The following SCMH1 variants were observed in gnomAD, a reference collection of about 807,000 sequenced individuals.
The protein encoded by SCMH1 is Scm polycomb group protein homolog 1.
SCMH1 carries 37 observed loss-of-function variants against 70.8 expected under a neutral mutation model. The ratio of observed to expected loss-of-function variants is 0.52; its 90% confidence interval spans 0.40 to 0.69. The LOEUF (loss-of-function observed/expected upper bound fraction) is 0.69. SCMH1 is among the 30% of genes least tolerant of loss of function. The pLI is 0.00. For synonymous variants in SCMH1, 292 were observed against 307.4 expected, an observed-to-expected ratio of 0.95 and a Z score of 0.52; for missense variants, 607 against 827.3, an observed-to-expected ratio of 0.73 and a Z score of 3.27.
chr1:41,184,934 C>T (rs1302190334), intron 2 of SCMH1, among the ~76,000 whole-genome samples: 2 of 152,146 alleles, frequency 1.3e-5, no homozygotes, highest in Non-Finnish European at 2.9e-5. Flanking sequence ...TGTTTGATCA[C>T]ATGTATATCT....
At chr1:41,131,916 T>C (rs1327195625) in intron 6 of SCMH1, among the ~76,000 whole-genome samples, 1 of 152,232 alleles carries the variant, frequency 6.6e-6, no homozygotes, top group Non-Finnish European at 1.5e-5. Context: ...CCATGGTGTA[T>C]ATGTGCCACA....
chr1:41,096,602 A>G (rs553892624), intron 8 of SCMH1, among the ~76,000 whole-genome samples: 1 of 152,192 alleles, frequency 6.6e-6, no homozygotes, highest in East Asian at 1.9e-4. Flanking sequence ...TAGATTGGAG[A>G]GGAAAAGAAA....
intron 9 of SCMH1, among the ~76,000 whole-genome samples, chr1:41,070,983 A>G (rs1272795135): frequency 6.6e-6 from 1 of 152,170 alleles, no homozygotes; most frequent in Non-Finnish European, 1.5e-5. Flanking sequence ...TAGATTCAAT[A>G]TTATCATATG....
At position 41,083,422 on chromosome 1, in the gene SCMH1, A is replaced by T. The variant is rs991809711; in HGVS notation, c.746-7971T>A. ...ACCTAGGAATCCAACTTACAAGGGA[A>T]GTGAAGGACCTCTTCAAGGAGAACT... On this transcript the variant is annotated intron_variant, in intron 8 of 14. Coordinates refer to ENST00000337495, the Ensembl canonical transcript of SCMH1. 3.3e-5 allele frequency among the ~76,000 whole-genome samples: 5 copies of T among 152,086 alleles called. No individual in the cohort carries two copies. The East Asian group carries it at 5.8e-4, about 18-fold the overall frequency.
intron 1 of SCMH1, among the ~76,000 whole-genome samples, chr1:41,229,211 AAAAG>A (rs1270192403): frequency 6.6e-6 from 1 of 152,166 alleles, no homozygotes; most frequent in Non-Finnish European, 1.5e-5. Context: ...CCAAAAAAAA[AAAAG>A]ATTCATTAAT....
intron 1 of SCMH1, among the ~76,000 whole-genome samples, chr1:41,197,355 A>T (rs561243046): frequency 6.6e-4 from 100 of 152,286 alleles, no homozygotes; most frequent in South Asian, 1.2e-3. Context: ...TGGAAAACTC[A>T]GCCATAAAAA....
At chr1:41,053,670 G>A (rs978178497) in intron 10 of SCMH1, among the ~76,000 whole-genome samples, 1 of 152,214 alleles carries the variant, frequency 6.6e-6, no homozygotes, top group Non-Finnish European at 1.5e-5. Context: ...AAGATTATTG[G>A]GACAGATTCT....
At chr1:41,190,803 T>C (rs1379305028) in intron 1 of SCMH1, among the ~76,000 whole-genome samples, 1 of 152,194 alleles carries the variant, frequency 6.6e-6, no homozygotes, top group East Asian at 1.9e-4. Flanking sequence ...TTTTCTCTTC[T>C]GCGTCTCCAT....
intron 5 of SCMH1, among the ~76,000 whole-genome samples, chr1:41,150,713 G>T (rs966178736): frequency 2.2e-4 from 33 of 152,002 alleles, no homozygotes; most frequent in Admixed American, 2.0e-3. Flanking sequence ...GAGGCGGGCA[G>T]ATCATGAGGT....
chr1:41,144,210 T>C lies in SCMH1; in HGVS notation c.178-1098A>G, dbSNP rs182344802. Among the ~76,000 whole-genome samples, 1,300 of 152,222 alleles carry C rather than the reference T, an allele frequency of 8.5e-3. 8 individuals are homozygous for C. Among genetic ancestry groups the C allele is most frequent in the Non-Finnish European group, 0.012 (835 of 67,988 alleles). On this transcript the variant is annotated intron_variant, in intron 5 of 14. Coordinates refer to ENST00000337495, the Ensembl canonical transcript of SCMH1. ...CATCCCTATCTAATTTTATAACATT[T>C]CCATAATCCCCTCAAAATGAACCCC... is the stretch of plus-strand genomic sequence containing the variant.
At chr1:41,177,230 C>T (rs1647226569) in intron 2 of SCMH1, among the ~76,000 whole-genome samples, 1 of 152,042 alleles carries the variant, frequency 6.6e-6, no homozygotes, top group Non-Finnish European at 1.5e-5. Flanking sequence ...CACACCAAAA[C>T]CCCATCTGTA....
At chr1:41,070,990 T>C (rs951021537) in intron 9 of SCMH1, among the ~76,000 whole-genome samples, 2 of 152,130 alleles carry the variant, frequency 1.3e-5, no homozygotes, top group Non-Finnish European at 2.9e-5. Context: ...AATATTATCA[T>C]ATGAAGTTTC....
chr1:41,057,277 G>T (rs139168471), intron 10 of SCMH1, among the ~76,000 whole-genome samples: 20,760 of 151,988 alleles, frequency 0.14, 1,749 homozygotes, highest in Middle Eastern at 0.27. Flanking sequence ...TTGTTTGTTT[G>T]TTTTTTGAGA....
intron 8 of SCMH1, among the ~76,000 whole-genome samples, chr1:41,105,080 G>A (rs1361910527): frequency 1.3e-5 from 2 of 150,860 alleles, no homozygotes; most frequent in East Asian, 3.9e-4. Flanking sequence ...TTCAATATCC[G>A]AAGTAGCTGG....
chr1:41,048,759 C>A, exon 11 of SCMH1: 5 of 1,614,112 alleles, frequency 3.1e-6, no homozygotes, highest in Non-Finnish European at 4.2e-6. Context: ...TAAGCACAGT[C>A]GATACAGGCC....
At chr1:41,186,476 T>C (rs1650235990) in intron 1 of SCMH1, among the ~76,000 whole-genome samples, 1 of 152,188 alleles carries the variant, frequency 6.6e-6, no homozygotes. Context: ...ATACAGATAT[T>C]TGCTACATTT....
chr1:41,198,977 T>G (rs1037267263), intron 1 of SCMH1, among the ~76,000 whole-genome samples: 1 of 152,152 alleles, frequency 6.6e-6, no homozygotes, highest in African/African-American at 2.4e-5. Context: ...ATATATTTAT[T>G]AAACACGCCA....
chr1:41,197,410 G>C (rs1411844678), intron 1 of SCMH1, among the ~76,000 whole-genome samples: 2 of 152,142 alleles, frequency 1.3e-5, no homozygotes, highest in Non-Finnish European at 2.9e-5. Flanking sequence ...GAACCTTCAA[G>C]GCACTGTGCT....
intron 8 of SCMH1, among the ~76,000 whole-genome samples, chr1:41,090,197 A>G (rs1018480748): frequency 1.4e-4 from 21 of 152,226 alleles, no homozygotes; most frequent in Non-Finnish European, 3.1e-4. Context: ...TGTTGTATCT[A>G]TCAACATTTA....
Sources: gnomAD v4.1 joint callset for allele counts (sites outside exome capture counted in the v4.1 genomes callset) on GRCh38, gnomAD v4.1.1 for gene constraint, MANE v1.5 for transcripts, NCBI Gene and HGNC (gene_info 2026-07-23, HGNC 2026-07-21) for gene names.